Variants in GSE1 observed in about 807,000 individuals in gnomAD.
GSE1 encodes the protein Gse1 coiled-coil protein, also known as genetic suppressor element 1.
A neutral mutation model predicts 112.6 loss-of-function variants in GSE1; 32 were observed. That is an observed-to-expected ratio of 0.28 (90% CI 0.21 to 0.38). The LOEUF (loss-of-function observed/expected upper bound fraction) is 0.38. GSE1 is among the 10% of genes least tolerant of loss of function. The pLI, the probability that GSE1 is intolerant of heterozygous loss-of-function variation, is 1.00. For synonymous variants in GSE1, 1,115 were observed against 735.6 expected (o/e 1.52, Z -8.35); for missense variants, 2,348 against 1,699.2 (o/e 1.38, Z -6.71).
chr16:85,588,077 T>C (rs902563097), intron 1 of GSE1, among the ~76,000 whole-genome samples: 3 of 152,200 alleles, frequency 2.0e-5, no homozygotes, highest in South Asian at 2.1e-4. Context: ...GGGGATTCAC[T>C]GCTGCACCCA....
intron 2 of GSE1, among the ~76,000 whole-genome samples, chr16:85,471,012 C>T (rs188936750): frequency 3.3e-4 from 50 of 152,342 alleles, no homozygotes; most frequent in Non-Finnish European, 6.0e-4. Flanking sequence ...GGGAGGAGGG[C>T]GCTGGGGGCT....
At chr16:85,467,752 A>G (rs886710412) in intron 2 of GSE1, among the ~76,000 whole-genome samples, 4 of 152,228 alleles carry the variant, frequency 2.6e-5, no homozygotes, top group African/African-American at 9.6e-5. Context: ...AGGGGAAGGT[A>G]CGGAGATACC....
At chr16:85,280,136 A>C (rs926336367) in intron 1 of GSE1, among the ~76,000 whole-genome samples, 3 of 152,182 alleles carry the variant, frequency 2.0e-5, no homozygotes, top group Non-Finnish European at 4.4e-5. Flanking sequence ...TTCGGAGCAG[A>C]TGGAACTGGC....
At chr16:85,277,997 G>T (rs1393624842) in intron 1 of GSE1, among the ~76,000 whole-genome samples, 1 of 152,240 alleles carries the variant, frequency 6.6e-6, no homozygotes, top group Non-Finnish European at 1.5e-5. Context: ...CAGGCTTCAC[G>T]ACTCCATTGA....
At chr16:85,337,420 C>T (rs1422042432) in intron 1 of GSE1, among the ~76,000 whole-genome samples, 2 of 151,770 alleles carry the variant, frequency 1.3e-5, no homozygotes, top group African/African-American at 4.8e-5. Context: ...ATTCTCCTGC[C>T]TCAGCCTCCT....
chr16:85,517,733 T>C (rs934049927), intron 2 of GSE1, among the ~76,000 whole-genome samples: 7 of 152,252 alleles, frequency 4.6e-5, no homozygotes, highest in Admixed American at 4.6e-4. Context: ...ATTTCTGGTC[T>C]TCGGAGAGTG....
intron 1 of GSE1, among the ~76,000 whole-genome samples, chr16:85,175,488 G>A (rs571822778): frequency 1.1e-3 from 169 of 152,372 alleles, no homozygotes; most frequent in African/African-American, 3.9e-3. Context: ...GCCCTGTCTG[G>A]GCCTTGGAAC....
chr16:85,176,311 A>C (rs2074463190), intron 1 of GSE1, among the ~76,000 whole-genome samples: 1 of 152,060 alleles, frequency 6.6e-6, no homozygotes, highest in Non-Finnish European at 1.5e-5. Flanking sequence ...GTGGCTCTTA[A>C]TTTCCTGTGT....
At chr16:85,566,439 G>T (rs761463269) in intron 1 of GSE1, among the ~76,000 whole-genome samples, 1 of 152,164 alleles carries the variant, frequency 6.6e-6, no homozygotes, top group African/African-American at 2.4e-5. Flanking sequence ...TCTCCACTGC[G>T]TCCCATGTAA....
chr16:85,223,079 C>T (rs914376363), intron 1 of GSE1, among the ~76,000 whole-genome samples: 4 of 151,986 alleles, frequency 2.6e-5, no homozygotes, highest in African/African-American at 4.8e-5. Flanking sequence ...GGTACGGGGC[C>T]GGCGGAGTCA....
chr16:85,316,009 G>A (rs1236158877), intron 1 of GSE1, among the ~76,000 whole-genome samples: 1 of 152,194 alleles, frequency 6.6e-6, no homozygotes, highest in Non-Finnish European at 1.5e-5. Flanking sequence ...CTTTCCTCTG[G>A]CCGCTCCTGC....
At chr16:85,223,028 G>GT (rs1338703660) in intron 1 of GSE1, among the ~76,000 whole-genome samples, 2 of 152,128 alleles carry the variant, frequency 1.3e-5, no homozygotes, top group East Asian at 3.8e-4. Flanking sequence ...CTCTAGTTTT[G>GT]TTTTTTTCTG....
At chr16:85,582,352 C>A (rs1449067688) in intron 1 of GSE1, among the ~76,000 whole-genome samples, 1 of 152,230 alleles carries the variant, frequency 6.6e-6, no homozygotes, top group Non-Finnish European at 1.5e-5. Flanking sequence ...ACTGCAGAAG[C>A]TGGCTGCGGT....
intron 2 of GSE1, among the ~76,000 whole-genome samples, chr16:85,417,376 C>A (rs1203439087): frequency 6.9e-6 from 1 of 145,516 alleles, no homozygotes. Flanking sequence ...GCCTGTCAGG[C>A]CGCTAGTCTG....
intron 1 of GSE1, among the ~76,000 whole-genome samples, chr16:85,623,906 T>G (rs748758093): frequency 2.0e-5 from 3 of 152,166 alleles, no homozygotes; most frequent in Non-Finnish European, 4.4e-5. Context: ...GTCCCTGTTC[T>G]TGGCTGTAGA....
intron 1 of GSE1, among the ~76,000 whole-genome samples, chr16:85,287,018 G>A (rs1177798387): frequency 6.6e-6 from 1 of 152,190 alleles, no homozygotes; most frequent in Non-Finnish European, 1.5e-5. Context: ...CCCGGGTGCC[G>A]CCCGCCACAG....
chr16:85,414,732 T>G (rs914365411), intron 2 of GSE1, among the ~76,000 whole-genome samples: 1 of 152,194 alleles, frequency 6.6e-6, no homozygotes, highest in Admixed American at 6.5e-5. Flanking sequence ...CCTCCTGGGT[T>G]CAAGCAATTC....
At chr16:85,448,888 G>A (rs191901201) in intron 2 of GSE1, among the ~76,000 whole-genome samples, 2 of 152,214 alleles carry the variant, frequency 1.3e-5, no homozygotes, top group African/African-American at 2.4e-5. Flanking sequence ...TGTGAACTCC[G>A]GTTTTGGGTC....
At chr16:85,217,687 G>A (rs948661977) in intron 1 of GSE1, among the ~76,000 whole-genome samples, 18 of 152,192 alleles carry the variant, frequency 1.2e-4, no homozygotes, top group Non-Finnish European at 2.4e-4. Flanking sequence ...AGGCCAGCAA[G>A]CAGGAGTATC....
Sources: gnomAD v4.1 joint callset for allele counts (sites outside exome capture counted in the v4.1 genomes callset) on GRCh38, gnomAD v4.1.1 for gene constraint, MANE v1.5 for transcripts, NCBI Gene and HGNC (gene_info 2026-07-23, HGNC 2026-07-21) for gene names.